FGGY: variants seen among roughly 807,000 people sequenced by gnomAD.
FGGY encodes FGGY carbohydrate kinase domain-containing protein.
In FGGY, 72 loss-of-function variants were observed where a neutral mutation model predicts 71.3. That is an observed-to-expected ratio of 1.01 (90% CI 0.84 to 1.23). FGGY has a LOEUF of 1.23. Ranked by LOEUF, FGGY falls within the 50% of genes most tolerant of loss-of-function variation. The probability of loss-of-function intolerance (pLI) is 0.00; values close to 1 mark genes in which losing one functional copy is unlikely to be tolerated. For missense variants in FGGY, 668 were observed against 682.3 expected, an observed-to-expected ratio of 0.98 and a Z score of 0.23; for synonymous variants, 251 against 250.3, an observed-to-expected ratio of 1.00 and a Z score of -0.02.
At chr1:59,466,069 A>G (rs1301515770) in intron 6 of FGGY, among the ~76,000 whole-genome samples, 1 of 152,066 alleles carries the variant, frequency 6.6e-6, no homozygotes, top group African/African-American at 2.4e-5. Context: ...GCAAAAAGAA[A>G]AAGCTGGAGG....
intron 1 of FGGY, among the ~76,000 whole-genome samples, chr1:59,297,816 G>GAAAA (rs35768218): frequency 7.4e-6 from 1 of 135,052 alleles, no homozygotes; most frequent in Non-Finnish European, 1.6e-5. Context: ...GAGCGTCTCA[G>GAAAA]AAAAAAAAAA....
chr1:59,414,734 T>C (rs986075696), intron 5 of FGGY, among the ~76,000 whole-genome samples: 6 of 151,962 alleles, frequency 3.9e-5, no homozygotes, highest in African/African-American at 1.5e-4. Flanking sequence ...CCTGGGGAGA[T>C]TGTTTTGTGG....
intron 7 of FGGY, among the ~76,000 whole-genome samples, chr1:59,544,301 G>T (rs1293456450): frequency 6.6e-6 from 1 of 152,210 alleles, no homozygotes; most frequent in Non-Finnish European, 1.5e-5. Context: ...GGAAAAATAT[G>T]ATAGGGCAAG....
chr1:59,688,130 C>T (rs2097559931), intron 14 of FGGY, among the ~76,000 whole-genome samples: 1 of 152,164 alleles, frequency 6.6e-6, no homozygotes, highest in Non-Finnish European at 1.5e-5. Flanking sequence ...TCTGAGGAGA[C>T]AAGATTCAAG....
intron 7 of FGGY, among the ~76,000 whole-genome samples, chr1:59,541,263 A>G (rs2095436000): frequency 6.6e-6 from 1 of 152,168 alleles, no homozygotes. Context: ...GCCCCATAGA[A>G]AGATGATGGA....
intron 6 of FGGY, among the ~76,000 whole-genome samples, chr1:59,506,623 AC>A (rs1488967786): frequency 6.6e-6 from 1 of 152,186 alleles, no homozygotes; most frequent in Non-Finnish European, 1.5e-5. Context: ...ACATGGCGAA[AC>A]CCTGTCTCTC....
intron 8 of FGGY, among the ~76,000 whole-genome samples, chr1:59,568,908 G>C (rs1450118616): frequency 6.6e-6 from 1 of 151,866 alleles, no homozygotes; most frequent in Non-Finnish European, 1.5e-5. Flanking sequence ...ATAACAATTT[G>C]TATCATCATT....
At chr1:59,322,528 T>G (rs905189776) in intron 2 of FGGY, among the ~76,000 whole-genome samples, 16 of 152,184 alleles carry the variant, frequency 1.1e-4, no homozygotes, top group African/African-American at 3.9e-4. Flanking sequence ...ACCATTGGAC[T>G]CTGCTGCCTT....
rs71046339 is a variant in FGGY at position 59,721,337 on chromosome 1, GT to G, written c.1513-36575del. ...AGAGAGTTTTTCTTTTCTTTCCTTT[GT>G]TTTTTTTTTTTTTTTTTTGAGACGG... On this transcript the variant is annotated intron_variant, in intron 14 of 15. Transcript: ENST00000303721. 8.5e-3 allele frequency among the ~76,000 whole-genome samples: 897 copies of G among 105,318 alleles called. 22 individuals are homozygous for G. The highest frequency in any genetic ancestry group is 0.032 in the African/African-American group (769 of 23,982). The allele number at this position is 105,318 out of a possible 152,430, so 69.1% of individuals were successfully genotyped here.
intron 13 of FGGY, 104 bp downstream of exon 13, chr1:59,667,507 C>T: frequency 1.5e-6 from 2 of 1,350,010 alleles, no homozygotes; most frequent in Non-Finnish European, 2.0e-6. Context: ...TGCGGTATGC[C>T]AGATTATTAG....
At chr1:59,502,952 A>T (rs1420701899) in intron 6 of FGGY, among the ~76,000 whole-genome samples, 1 of 152,150 alleles carries the variant, frequency 6.6e-6, no homozygotes, top group Non-Finnish European at 1.5e-5. Flanking sequence ...CCTAGACAGG[A>T]CCTACCAGGG....
rs377692380 is a variant in FGGY, at chr1:59,595,514, C to A, written c.904-12289C>A. 7.9e-5 allele frequency among the ~76,000 whole-genome samples: 12 copies of A among 152,024 alleles called. 1 individual carries two copies. The East Asian group carries it at 1.7e-3, about 22-fold the overall frequency. ...GACCAGCCTAGCCAATATGGCGAAA[C>A]CCCATCTCTACTGAAAATACAAAAA... On this transcript the variant is annotated intron_variant, in intron 8 of 15. Transcript: ENST00000303721.
chr1:59,386,511 G>A (rs950339780), intron 5 of FGGY, among the ~76,000 whole-genome samples: 3 of 151,974 alleles, frequency 2.0e-5, no homozygotes, highest in Non-Finnish European at 4.4e-5. Flanking sequence ...ATATTGTCAG[G>A]TTTCTCCACT....
intron 7 of FGGY, among the ~76,000 whole-genome samples, chr1:59,553,038 C>G (rs1281722838): frequency 2.0e-5 from 3 of 152,138 alleles, no homozygotes; most frequent in Non-Finnish European, 4.4e-5. Context: ...CAGGGAAGCC[C>G]TATAATTAGG....
chr1:59,614,651 C>A (rs2096730586), intron 9 of FGGY, among the ~76,000 whole-genome samples: 2 of 152,058 alleles, frequency 1.3e-5, no homozygotes, highest in Non-Finnish European at 2.9e-5. Flanking sequence ...CTGGTCAGGG[C>A]AATCAGGCAG....
intron 10 of FGGY, among the ~76,000 whole-genome samples, chr1:59,629,235 T>TAAATAAATAAAC (rs1558604098): frequency 1.3e-5 from 2 of 152,048 alleles, no homozygotes; most frequent in African/African-American, 4.8e-5. Context: ...AATAAATAAA[T>TAAATAAATAAAC]AAATAAATGA....
At chr1:59,368,593 C>T (rs1447343330) in intron 4 of FGGY, among the ~76,000 whole-genome samples, 1 of 152,174 alleles carries the variant, frequency 6.6e-6, no homozygotes, top group Non-Finnish European at 1.5e-5. Flanking sequence ...ATCACTGTGT[C>T]CTAATGCAGG....
chr1:59,653,952 A>T (rs1306362306), intron 11 of FGGY, among the ~76,000 whole-genome samples: 5 of 152,228 alleles, frequency 3.3e-5, no homozygotes, highest in Admixed American at 3.3e-4. Context: ...CTCTGGATCC[A>T]ACCAGAGAAT....
At chr1:59,693,870 G>A (rs2097621758) in intron 14 of FGGY, among the ~76,000 whole-genome samples, 1 of 152,088 alleles carries the variant, frequency 6.6e-6, no homozygotes, top group Admixed American at 6.6e-5. Context: ...AGCTGGATGT[G>A]GTGGTGTATG....
Sources: gnomAD v4.1 joint callset for allele counts (sites outside exome capture counted in the v4.1 genomes callset) on GRCh38, gnomAD v4.1.1 for gene constraint, MANE v1.5 for transcripts, NCBI Gene and HGNC (gene_info 2026-07-23, HGNC 2026-07-21) for gene names.